Variants in NAA11 observed in about 807,000 individuals in gnomAD.
NAA11 encodes N-alpha-acetyltransferase 11, NatA catalytic subunit.
Under a neutral mutation model 16.1 loss-of-function variants are expected in NAA11, and 15 were observed. The ratio of observed to expected loss-of-function variants is 0.93; its 90% CI spans 0.62 to 1.44. The LOEUF (loss-of-function observed/expected upper bound fraction) is 1.44, where lower values mean the gene tolerates loss of function less well. NAA11 is among the 40% of genes most tolerant of loss of function. The pLI is 0.00. For synonymous variants in NAA11, 122 were observed against 112.4 expected (o/e 1.09, Z -0.54); for missense variants, 298 against 291.3 (o/e 1.02, Z -0.17).
chr4:79,292,944 T>C (rs1173277969), intron 2 of NAA11, among the ~76,000 whole-genome samples: 1 of 152,202 alleles, frequency 6.6e-6, no homozygotes, highest in Non-Finnish European at 1.5e-5. Context: ...TGTCTAGATT[T>C]CAGAGGAGTG....
At chr4:79,161,768 G>C in the NAA11 span, among the ~76,000 whole-genome samples, 1 of 151,142 alleles carries the variant, frequency 6.6e-6, no homozygotes, top group Non-Finnish European at 1.5e-5. Flanking sequence ...TCCACCTCCC[G>C]GCCTCCCGGG....
At chr4:79,260,051 T>C (rs1214280222) in intron 2 of NAA11, among the ~76,000 whole-genome samples, 1 of 152,218 alleles carries the variant, frequency 6.6e-6, no homozygotes, top group Non-Finnish European at 1.5e-5. Context: ...TCTATGGGAC[T>C]GGGCAAAATT....
intron 1 of NAA11, among the ~76,000 whole-genome samples, chr4:79,295,205 G>A (rs767873803): frequency 6.6e-6 from 1 of 152,190 alleles, no homozygotes; most frequent in African/African-American, 2.4e-5. Context: ...GAGTCAAAAG[G>A]TGCAATGCAA....
downstream of NAA11, among the ~76,000 whole-genome samples, chr4:79,224,782 A>G (rs1252733376): frequency 6.6e-6 from 1 of 152,126 alleles, no homozygotes; most frequent in Non-Finnish European, 1.5e-5. Context: ...GGTCAACGTC[A>G]ACAGTGATCA....
At chr4:79,174,397 C>T in the NAA11 span, among the ~76,000 whole-genome samples, 1 of 152,064 alleles carries the variant, frequency 6.6e-6, no homozygotes, top group African/African-American at 2.4e-5. Flanking sequence ...CATATGTTCT[C>T]TGGGTGTCCA....
At chr4:79,208,452 T>C in the NAA11 span, among the ~76,000 whole-genome samples, 1 of 152,178 alleles carries the variant, frequency 6.6e-6, no homozygotes, top group Non-Finnish European at 1.5e-5. Flanking sequence ...TACAGATATT[T>C]TGCATTTCTG....
chr4:79,303,096 A>ATG (rs1175818274), intron 1 of NAA11, among the ~76,000 whole-genome samples: 1 of 112,712 alleles, frequency 8.9e-6, no homozygotes, highest in African/African-American at 3.9e-5. Flanking sequence ...ATATATATAT[A>ATG]TATATATATA....
At chr4:79,179,137 T>C in the NAA11 span, among the ~76,000 whole-genome samples, 1 of 152,232 alleles carries the variant, frequency 6.6e-6, no homozygotes, top group African/African-American at 2.4e-5. Flanking sequence ...CTCATGCTAT[T>C]TATTTCATGG....
the NAA11 span, among the ~76,000 whole-genome samples, chr4:79,158,280 A>G: frequency 8.5e-5 from 13 of 152,138 alleles, no homozygotes; most frequent in Non-Finnish European, 1.2e-4. Context: ...ATACAAAATT[A>G]ATGTACACAA....
At chr4:79,234,917 C>T (rs1721539230) in intron 2 of NAA11, among the ~76,000 whole-genome samples, 1 of 151,982 alleles carries the variant, frequency 6.6e-6, no homozygotes, top group Non-Finnish European at 1.5e-5. Flanking sequence ...TTATTTTTAT[C>T]CCAATTTCCT....
chr4:79,193,625 G>A, the NAA11 span, among the ~76,000 whole-genome samples: 1 of 152,156 alleles, frequency 6.6e-6, no homozygotes, highest in Non-Finnish European at 1.5e-5. Context: ...TTTGGTTACT[G>A]TAGCCTTGTG....
intron 1 of NAA11, among the ~76,000 whole-genome samples, chr4:79,309,382 G>T (rs1278544306): frequency 6.6e-6 from 1 of 152,122 alleles, no homozygotes; most frequent in Non-Finnish European, 1.5e-5. Flanking sequence ...CATTTCATAT[G>T]TTATTTTAGC....
chr4:79,163,797 G>A, the NAA11 span, among the ~76,000 whole-genome samples: 1 of 152,182 alleles, frequency 6.6e-6, no homozygotes, highest in African/African-American at 2.4e-5. Flanking sequence ...TCAGGGGTTT[G>A]CAGGAGATAG....
intron 1 of NAA11, among the ~76,000 whole-genome samples, chr4:79,303,818 A>G (rs1723481722): frequency 6.6e-6 from 1 of 152,236 alleles, no homozygotes; most frequent in Non-Finnish European, 1.5e-5. Flanking sequence ...ATGAAAACAC[A>G]GACCTTTTCA....
intron 2 of NAA11, among the ~76,000 whole-genome samples, chr4:79,242,214 A>G (rs1329266571): frequency 1.3e-5 from 2 of 152,168 alleles, no homozygotes; most frequent in African/African-American, 2.4e-5. Context: ...TACAGCAGTC[A>G]GCTCCATAGC....
the NAA11 span, among the ~76,000 whole-genome samples, chr4:79,167,560 C>T: frequency 6.6e-6 from 1 of 152,056 alleles, no homozygotes; most frequent in Admixed American, 6.5e-5. Flanking sequence ...GAAAAAGTTT[C>T]CTAATATGTG....
At chr4:79,282,517 A>G (rs989447076) in intron 2 of NAA11, among the ~76,000 whole-genome samples, 6 of 152,130 alleles carry the variant, frequency 3.9e-5, no homozygotes, top group Non-Finnish European at 8.8e-5. Flanking sequence ...GACAGCAAAG[A>G]GAGGGAAGGA....
chr4:79,196,230 G>T, the NAA11 span, among the ~76,000 whole-genome samples: 5 of 151,890 alleles, frequency 3.3e-5, no homozygotes, highest in African/African-American at 4.8e-5. Flanking sequence ...CCCATGCTCA[G>T]AATATCAGTG....
chr4:79,198,971 A>G, the NAA11 span, among the ~76,000 whole-genome samples: 1 of 151,934 alleles, frequency 6.6e-6, no homozygotes, highest in East Asian at 1.9e-4. Context: ...AGGGTTAGAA[A>G]TGTTAATGAA....
Sources: allele counts gnomAD v4.1 joint callset (sites outside exome capture counted in the v4.1 genomes callset), GRCh38; gene constraint gnomAD v4.1.1; transcripts MANE v1.5; gene names NCBI Gene and HGNC (gene_info 2026-07-23, HGNC 2026-07-21).